The following BCAR3 variants were observed in gnomAD, a reference collection of about 807,000 sequenced individuals.
BCAR3 encodes BCAR3 adaptor protein, NSP family member.
A neutral mutation model predicts 80.1 loss-of-function variants in BCAR3; 37 were observed. The ratio of observed to expected loss-of-function variants is 0.46; its 90% CI spans 0.36 to 0.61. The LOEUF (loss-of-function observed/expected upper bound fraction) is 0.61, where lower values mean the gene tolerates loss of function less well. BCAR3 is among the 20% of genes least tolerant of loss of function. The pLI, the probability that BCAR3 is intolerant of heterozygous loss-of-function variation, is 0.00. For synonymous variants in BCAR3, 389 were observed against 418.9 expected (o/e 0.93, Z 0.87); for missense variants, 978 against 1,068.2 (o/e 0.92, Z 1.18).
chr1:93,826,417 T>A (rs1323690077), intron 2 of BCAR3, among the ~76,000 whole-genome samples: 1 of 152,132 alleles, frequency 6.6e-6, no homozygotes, highest in African/African-American at 2.4e-5. Flanking sequence ...GCAGCTGGGG[T>A]CCCTTTCTAT....
intron 3 of BCAR3, among the ~76,000 whole-genome samples, chr1:93,619,415 G>A (rs1570976344): frequency 6.6e-6 from 1 of 152,178 alleles, no homozygotes; most frequent in East Asian, 1.9e-4. Context: ...ATACCCCTTG[G>A]AGTCTTATCC....
At chr1:93,796,591 T>C (rs1653281065) in intron 2 of BCAR3, among the ~76,000 whole-genome samples, 1 of 151,744 alleles carries the variant, frequency 6.6e-6, no homozygotes, top group Non-Finnish European at 1.5e-5. Flanking sequence ...GTACCTCAGA[T>C]GGAAATGCAG....
chr1:93,639,475 AT>A (rs139593635), intron 3 of BCAR3, among the ~76,000 whole-genome samples: 495 of 128,072 alleles, frequency 3.9e-3, no homozygotes, highest in African/African-American at 7.9e-3. Context: ...GGGGAGCAGC[AT>A]TTTTTTTTTT....
chr1:93,701,442 C>T lies in BCAR3; in HGVS notation c.-12+4650G>A, dbSNP rs775426924. Among the ~76,000 whole-genome samples the T allele has an allele frequency of 3.3e-5, 5 of 152,182 alleles. No homozygotes were observed. In the East Asian group the frequency reaches 5.8e-4, roughly 18 times the overall value. On this transcript the variant is annotated intron_variant, in intron 3 of 13. Transcript: ENST00000370244. The stretch of plus-strand genomic sequence containing the variant: ...AGGGCATTGATGCCCTCATGTGCAT[C>T]GGTCTGTTGGGCCCTGAGAAAAGCC...
chr1:93,681,580 C>G lies in BCAR3; in HGVS notation c.-12+18G>C, dbSNP rs541699358. The G allele has an allele frequency of 2.0e-4, 31 of 152,042 alleles. No individual in the cohort carries two copies. Among genetic ancestry groups the G allele is most frequent in the African/African-American group, 7.0e-4 (29 of 41,406 alleles). 9.4% of individuals were successfully genotyped at this position (152,042 alleles called of 1,614,324 possible). On this transcript the variant is annotated intron_variant, in intron 1 of 11. Coordinates refer to ENST00000260502, the MANE Select transcript of BCAR3 (RefSeq NM_003567.4). The stretch of plus-strand genomic sequence containing the variant: ...GGAACAGCACCCCGAGGACGCTGGG[C>G]GCGCGGCGGAGACTCACCTCCCGGC...
Position 93,592,116 on chromosome 1 carries a change from G to C in BCAR3, c.486+149C>G, listed in dbSNP as rs1372964992. 1.8e-6 allele frequency: 2 copies of C among 1,112,450 alleles called. No homozygotes were observed. Among genetic ancestry groups the C allele is most frequent in the Non-Finnish European group, 2.5e-6 (2 of 800,296 alleles). The allele number at this position is 1,112,450 out of a possible 1,614,324, so 68.9% of individuals were successfully genotyped here. ...TCTTCCCAAGGTCTTCTTAGAGAAG[G>C]GTCTAAATGAAGTCATTTTTAGAGT... On this transcript the variant is annotated intron_variant, in intron 4 of 11. Coordinates refer to ENST00000260502, the MANE Select transcript of BCAR3 (RefSeq NM_003567.4). The surrounding 1 kb of genome is among the most constrained non-coding windows in gnomAD (Gnocchi z 4.8).
At chr1:93,805,302 G>A (rs183619033) in intron 2 of BCAR3, among the ~76,000 whole-genome samples, 1 of 152,214 alleles carries the variant, frequency 6.6e-6, no homozygotes, top group South Asian at 2.1e-4. Context: ...CTGCAGCTAA[G>A]GGATCAAGAT....
At chr1:93,629,349 G>A (rs1675538864) in intron 3 of BCAR3, among the ~76,000 whole-genome samples, 1 of 152,128 alleles carries the variant, frequency 6.6e-6, no homozygotes, top group Admixed American at 6.5e-5. Context: ...TCAAATACAA[G>A]TTGTTCCCAG....
intron 2 of BCAR3, among the ~76,000 whole-genome samples, chr1:93,759,704 T>C (rs1484610161): frequency 6.6e-6 from 1 of 152,130 alleles, no homozygotes; most frequent in Non-Finnish European, 1.5e-5. Context: ...CCTTGCGTTA[T>C]TTGGAAGAAG....
At chr1:93,835,590 C>T (rs906291019) in intron 2 of BCAR3, among the ~76,000 whole-genome samples, 2 of 152,194 alleles carry the variant, frequency 1.3e-5, no homozygotes, top group Admixed American at 1.3e-4. Flanking sequence ...AGGTTACAAG[C>T]CGCTAGCCTG....
At chr1:93,769,389 G>T (rs1006354986) in intron 2 of BCAR3, among the ~76,000 whole-genome samples, 1 of 150,316 alleles carries the variant, frequency 6.7e-6, no homozygotes, top group African/African-American at 2.5e-5. Context: ...GTGTGTGTGT[G>T]TGTGTGTGTG....
At chr1:93,571,570 A>G (rs748848542) in intron 9 of BCAR3, 100 bp downstream of exon 9, 50 of 1,457,822 alleles carry the variant, frequency 3.4e-5, no homozygotes, top group Middle Eastern at 1.7e-4. Flanking sequence ...CTAAGATTCA[A>G]TTTACTTTTG....
chr1:93,562,101 C>G lies in BCAR3; in HGVS notation c.*140G>C. On this transcript the variant is annotated 3_prime_UTR_variant, in exon 12 of 12. Coordinates refer to ENST00000260502, the MANE Select transcript of BCAR3 (RefSeq NM_003567.4). ...AAATAAGTGTGCTCTGTGCAATTTA[C>G]ACGTTTAATATCCTGTGGATACTAA... 2 of 789,066 alleles carry G rather than the reference C, an allele frequency of 2.5e-6. No individual in the cohort carries two copies. Among genetic ancestry groups the G allele is most frequent in the Non-Finnish European group, 3.8e-6 (2 of 524,644 alleles). The allele number at this position is 789,066 out of a possible 1,614,324, so 48.9% of individuals were successfully genotyped here.
intron 1 of BCAR3, among the ~76,000 whole-genome samples, chr1:93,677,949 G>C (rs533857182): frequency 6.6e-6 from 1 of 152,290 alleles, no homozygotes; most frequent in East Asian, 1.9e-4. Flanking sequence ...CTCTTAAACT[G>C]TCAGGAATCA....
rs185370266 is a variant in BCAR3 at position 93,721,198 on chromosome 1, G to A, written c.-62-15056C>T. ...GTCAGCATGGCAGGGATTAGTAGTAGCTGGGAGGGGACAGTTACTCAGTTC... is the reference window on the plus strand; with the variant it reads ...GTCAGCATGGCAGGGATTAGTAGTAACTGGGAGGGGACAGTTACTCAGTTC... On this transcript the variant is annotated intron_variant, in intron 2 of 13. Transcript: ENST00000370244. Among the ~76,000 whole-genome samples, 306 of 152,234 alleles carry A rather than the reference G, an allele frequency of 2.0e-3. 2 individuals carry two copies. Among genetic ancestry groups the A allele is most frequent in the African/African-American group, 6.5e-3 (272 of 41,550 alleles).
intron 2 of BCAR3, among the ~76,000 whole-genome samples, chr1:93,724,643 G>A (rs1650518767): frequency 1.3e-5 from 2 of 152,162 alleles, no homozygotes; most frequent in African/African-American, 4.8e-5. Context: ...ACCCAGCCTG[G>A]TGTCCAAGGA....
At chr1:93,657,984 C>T (rs1647469215) in intron 2 of BCAR3, among the ~76,000 whole-genome samples, 1 of 150,234 alleles carries the variant, frequency 6.7e-6, no homozygotes, top group Non-Finnish European at 1.5e-5. Context: ...CTTCCTCTGT[C>T]ACCAGGAGTG....
intron 2 of BCAR3, among the ~76,000 whole-genome samples, chr1:93,839,062 G>A (rs1262095371): frequency 1.3e-5 from 2 of 152,228 alleles, no homozygotes; most frequent in South Asian, 4.1e-4. Context: ...CAGCACTTTG[G>A]GAGGCCGAGG....
intron 9 of BCAR3, 175 bp downstream of exon 9, chr1:93,571,493 CAA>C (rs1557836546): frequency 1.3e-6 from 1 of 762,448 alleles, no homozygotes; most frequent in Non-Finnish European, 2.0e-6. Context: ...GATTCTGTCT[CAA>C]AAAAGAAAAA....
Sources: gnomAD v4.1 joint callset for allele counts (sites outside exome capture counted in the v4.1 genomes callset) on GRCh38, gnomAD v4.1.1 for gene constraint, Gnocchi (gnomAD v3.1) non-coding constraint, MANE v1.5 for transcripts, NCBI Gene and HGNC (gene_info 2026-07-23, HGNC 2026-07-21) for gene names.